Variants in ABR observed in about 807,000 individuals in gnomAD.
ABR encodes the protein active breakpoint cluster region-related protein.
Under a neutral mutation model 107.2 loss-of-function variants are expected in ABR, and 35 were observed. That is an observed-to-expected ratio of 0.33 (90% CI 0.25 to 0.43). The LOEUF (loss-of-function observed/expected upper bound fraction) is 0.43. Ranked by LOEUF, ABR falls within the 20% of genes least tolerant of loss-of-function variation. The pLI, the probability that ABR is intolerant of heterozygous loss-of-function variation, is 1.00. For missense variants in ABR, 815 were observed against 1,115.2 expected, an observed-to-expected ratio of 0.73 and a Z score of 3.83; for synonymous variants, 498 against 462.0, an observed-to-expected ratio of 1.08 and a Z score of -1.00.
chr17:1,047,431 G>A (rs1156851537), intron 16 of ABR, among the ~76,000 whole-genome samples: 8 of 152,340 alleles, frequency 5.3e-5, no homozygotes, highest in African/African-American at 1.4e-4. Flanking sequence ...GGGCAGTCAC[G>A]GGGCGAGACT....
chr17:1,160,253 C>G (rs1012945707), intron 1 of ABR, among the ~76,000 whole-genome samples: 3 of 146,018 alleles, frequency 2.1e-5, no homozygotes, highest in African/African-American at 7.7e-5. Flanking sequence ...GACTCTGTCT[C>G]AAAAACAAAA....
chr17:1,061,696 A>G (rs2151099048), intron 10 of ABR, among the ~76,000 whole-genome samples: 1 of 152,066 alleles, frequency 6.6e-6, no homozygotes, highest in South Asian at 2.1e-4. Flanking sequence ...ACAGGCACCC[A>G]CCACCACACC....
intron 1 of ABR, among the ~76,000 whole-genome samples, chr17:1,215,814 A>C (rs1441588754): frequency 6.6e-6 from 1 of 152,046 alleles, no homozygotes; most frequent in African/African-American, 2.4e-5. Flanking sequence ...AGGAGACTCC[A>C]TTTTGTTCTG....
rs184555399 is a variant in ABR at position 1,013,269 on chromosome 17, C to T, written c.1792-105G>A. ...AGAGCCAGCTACACAGTCAGGAAGG[C>T]GGAAGTGAGCAGCTGGGATAAGCTG... On this transcript the variant is annotated intron_variant, in intron 16 of 22. Transcript: ENST00000302538. 82 of 1,099,972 alleles carry T rather than the reference C, an allele frequency of 7.5e-5. No homozygotes were observed. The East Asian group carries it at 8.3e-4, about 11-fold the overall frequency. The allele number at this position is 1,099,972 out of a possible 1,614,324, so 68.1% of individuals were successfully genotyped here.
chr17:1,195,922 A>G (rs1042572029), intron 1 of ABR, among the ~76,000 whole-genome samples: 1 of 150,750 alleles, frequency 6.6e-6, no homozygotes, highest in Non-Finnish European at 1.5e-5. Context: ...TGAGGTCAGG[A>G]GTGCGAGACG....
intron 16 of ABR, among the ~76,000 whole-genome samples, chr17:1,044,801 C>T (rs745773305): frequency 2.5e-4 from 38 of 152,298 alleles, no homozygotes; most frequent in Non-Finnish European, 3.2e-4. Flanking sequence ...TGCCTCCCTG[C>T]CAGGCGGGTC....
chr17:1,097,641 C>G (rs982183598), intron 3 of ABR, among the ~76,000 whole-genome samples: 2 of 149,436 alleles, frequency 1.3e-5, no homozygotes, highest in Non-Finnish European at 3.0e-5. Context: ...TTAATCCTCA[C>G]AACGACCCCA....
At chr17:1,206,660 G>A (rs1463691895) in intron 1 of ABR, among the ~76,000 whole-genome samples, 1 of 152,188 alleles carries the variant, frequency 6.6e-6, no homozygotes, top group African/African-American at 2.4e-5. Flanking sequence ...GGCCAAGGTG[G>A]GTGGATTGCT....
chr17:1,172,139 G>A (rs2041738229), intron 1 of ABR, among the ~76,000 whole-genome samples: 1 of 152,230 alleles, frequency 6.6e-6, no homozygotes, highest in African/African-American at 2.4e-5. Context: ...ACAAAAAACT[G>A]GGCGAGAGGC....
At chr17:1,161,311 AG>A (rs2041282883) in intron 1 of ABR, among the ~76,000 whole-genome samples, 1 of 151,690 alleles carries the variant, frequency 6.6e-6, no homozygotes, top group African/African-American at 2.4e-5. Flanking sequence ...ATGTGATCAC[AG>A]CTCACTGTAA....
intron 1 of ABR, among the ~76,000 whole-genome samples, chr17:1,201,014 TG>T (rs943803997): frequency 4.6e-5 from 7 of 152,056 alleles, no homozygotes; most frequent in Non-Finnish European, 8.8e-5. Flanking sequence ...CTAAGGAGGA[TG>T]GGGGGAGGAA....
upstream of ABR, among the ~76,000 whole-genome samples, chr17:1,187,474 G>A (rs1275397686): frequency 6.6e-6 from 1 of 152,256 alleles, no homozygotes; most frequent in African/African-American, 2.4e-5. Flanking sequence ...AGGGCTGCAG[G>A]CTGCTGTTGG....
At chr17:1,198,736 C>T (rs937293105) in intron 1 of ABR, among the ~76,000 whole-genome samples, 2 of 150,390 alleles carry the variant, frequency 1.3e-5, no homozygotes, top group Admixed American at 6.6e-5. Context: ...CCCGGGTTCA[C>T]GCCATTCTCC....
intron 2 of ABR, among the ~76,000 whole-genome samples, chr17:1,113,061 C>A (rs960663731): frequency 6.6e-6 from 1 of 152,082 alleles, no homozygotes; most frequent in African/African-American, 2.4e-5. Flanking sequence ...CTGCTGTGCA[C>A]CAGGCAGTGT....
At position 1,135,410 on chromosome 17, in the gene ABR, C is replaced by G. The variant is rs565710022; in HGVS notation, c.62-10043G>C. On this transcript the variant is annotated intron_variant, in intron 1 of 22. Transcript: ENST00000302538. Reference sequence around the variant, plus strand: ...TTTTTTTTTGAGACAGAGTTTCACTCTTGTTGCCCAGGCTGGAGCGACACC... The same window carrying G: ...TTTTTTTTTGAGACAGAGTTTCACTGTTGTTGCCCAGGCTGGAGCGACACC... Among the ~76,000 whole-genome samples the G allele has an allele frequency of 6.8e-5, 9 of 131,690 alleles. No homozygotes were observed. In the South Asian group the frequency reaches 2.1e-3, roughly 31 times the overall value. The allele number at this position is 131,690 out of a possible 152,430, so 86.4% of individuals were successfully genotyped here.
intron 16 of ABR, among the ~76,000 whole-genome samples, chr17:1,016,615 C>G (rs985276636): frequency 1.3e-5 from 2 of 151,938 alleles, no homozygotes; most frequent in African/African-American, 2.4e-5. Context: ...CATGCCTGGC[C>G]CCTACCCCAA....
rs371955376 is a variant in ABR, at chr17:1,012,026, G to A, written c.1962-41C>T. On this transcript the variant is annotated intron_variant, in intron 18 of 22. Coordinates refer to ENST00000302538, the MANE Select transcript of ABR (RefSeq NM_021962.5). ...AGGATGGGTGGAGGGCAGCCCCCAC[G>A]ACAGCTCTCCCGTAGCAACCCCCAC... 383 of 1,608,220 alleles carry A rather than the reference G, an allele frequency of 2.4e-4. 1 individual carries two copies. In the African/African-American group the frequency reaches 4.5e-3, roughly 19 times the overall value.
chr17:1,201,891 A>T lies in ABR; in HGVS notation c.838+26902T>A, dbSNP rs113406910. Among the ~76,000 whole-genome samples, 955 of 152,186 alleles carry T rather than the reference A, an allele frequency of 6.3e-3. 6 individuals carry two copies. The highest frequency in any genetic ancestry group is 9.9e-3 in the Non-Finnish European group (672 of 68,012). ...ATGGGGTTTCACCGTGTTAGCCAGG[A>T]TGCTCTCGATCTCCTGACCTCGTGA... On this transcript the variant is annotated intron_variant, in intron 1 of 22. Transcript: ENST00000574139.
At chr17:1,031,843 C>G in intron 16 of ABR, 2 of 1,222,922 alleles carry the variant, frequency 1.6e-6, no homozygotes, top group Non-Finnish European at 1.0e-6. Flanking sequence ...GCTTTCCCCG[C>G]GCTCGCCTCC....
Sources: gnomAD v4.1 joint callset for allele counts (sites outside exome capture counted in the v4.1 genomes callset) on GRCh38, gnomAD v4.1.1 for gene constraint, MANE v1.5 for transcripts, NCBI Gene and HGNC (gene_info 2026-07-23, HGNC 2026-07-21) for gene names.